The following PIEZO1 variants were observed in gnomAD, a reference collection of about 807,000 sequenced individuals.
PIEZO1 encodes piezo-type mechanosensitive ion channel component 1.
Under a neutral mutation model 297.2 loss-of-function variants are expected in PIEZO1, and 296 were observed. The ratio of observed to expected loss-of-function variants is 1.00; its 90% confidence interval spans 0.91 to 1.10. The LOEUF (loss-of-function observed/expected upper bound fraction) is 1.10, where lower values mean the gene tolerates loss of function less well. Ranked by LOEUF, PIEZO1 falls within the 50% of genes least tolerant of loss-of-function variation. The pLI, the probability that PIEZO1 is intolerant of heterozygous loss-of-function variation, is 0.00. For synonymous variants in PIEZO1, 2,427 were observed against 1,507.5 expected (o/e 1.61, Z -14.13); for missense variants, 5,018 against 3,455.5 (o/e 1.45, Z -11.34).
chr16:88,723,961 G>A lies in PIEZO1; in HGVS notation c.4245C>T (p.Ser1415=), dbSNP rs140278892. The part of the protein sequence containing the change: ...PWLDHATVIH[S]GDYFLFESDS... ...CGGACTCAAACAGGAAGTAGTCCCC[G>A]GAGTGGATGACTGTGGGCAGGCAGC... is the stretch of plus-strand genomic sequence containing the variant. Residue 1415 remains serine, a synonymous_variant, in exon 31 of 51, where the codon TCC becomes TCT. Coordinates refer to ENST00000301015, the MANE Select transcript of PIEZO1 (RefSeq NM_001142864.4). The A allele has an allele frequency of 1.3e-4, 198 of 1,544,500 alleles. No individual in the cohort carries two copies. The highest frequency in any genetic ancestry group is 8.4e-4 in the Middle Eastern group (5 of 5,980).
Position 88,723,000 on chromosome 16 carries a change from T to A in PIEZO1, c.4505A>T (p.His1502Leu). 7.9e-7 allele frequency: 1 copy of A among 1,265,290 alleles called. No homozygotes were observed. The highest frequency in any genetic ancestry group is 1.3e-5 in the South Asian group (1 of 79,242). 78.4% of individuals were successfully genotyped at this position (1,265,290 alleles called of 1,614,324 possible). Residue 1502 changes from histidine (H) to leucine (L), a missense_variant, in exon 34 of 51, where the codon CAT (histidine) becomes CTT (leucine). His to Leu is a moderately conservative substitution (Grantham distance 99). Transcript: ENST00000301015. ...CGTGCTCAGCACCCTCTGCACCACA[T>A]GGCTCCGGCCTGCGGGAGGGCGGGA... ...GPEEAAAGRS[H>L]VVQRVLSTAQ...
Position 88,732,555 on chromosome 16 carries a change from G to A in PIEZO1, c.2791-20C>T. 3 of 1,543,484 alleles carry A rather than the reference G, an allele frequency of 1.9e-6. No homozygotes were observed. Among genetic ancestry groups the A allele is most frequent in the Non-Finnish European group, 2.6e-6 (3 of 1,141,506 alleles). ...GTGGTTCTGCGGAGGGCAAGGGTCA[G>A]GGGGCAGCCGGGTACTCGCCCGCCC... is the stretch of plus-strand genomic sequence containing the variant. On this transcript the variant is annotated intron_variant, in intron 20 of 50. Coordinates refer to ENST00000301015, the MANE Select transcript of PIEZO1 (RefSeq NM_001142864.4).
chr16:88,764,265 G>T (rs1907066035), intron 1 of PIEZO1, among the ~76,000 whole-genome samples: 1 of 152,178 alleles, frequency 6.6e-6, no homozygotes. Context: ...CCAGCAGCAA[G>T]CACGTGGCAA....
At chr16:88,765,154 G>A (rs1269694350) in intron 1 of PIEZO1, among the ~76,000 whole-genome samples, 3 of 152,248 alleles carry the variant, frequency 2.0e-5, no homozygotes, top group Non-Finnish European at 4.4e-5. Flanking sequence ...GACTGCCCCA[G>A]GGCCCAGTCA....
Position 88,721,575 on chromosome 16 carries a change from T to C in PIEZO1, c.5366A>G (p.Gln1789Arg). ...GCGGTGGAAGAAAAGGGCCATGAGC[T>C]GCACCAGGTCGTACTTGATGTAGCC... ...TDGYIKYDLV[Q>R]LMALFFHRSQ... Residue 1789 changes from glutamine (Q) to arginine (R), a missense_variant, in exon 38 of 51, where the codon CAG becomes CGG. By Grantham distance (43) the Gln-to-Arg change is conservative. Coordinates refer to ENST00000301015, the MANE Select transcript of PIEZO1 (RefSeq NM_001142864.4). The C allele has an allele frequency of 1.3e-6, 2 of 1,550,162 alleles. No individual in the cohort carries two copies. Among genetic ancestry groups the C allele is most frequent in the Non-Finnish European group, 1.7e-6 (2 of 1,146,864 alleles).
chr16:88,755,619 G>C (rs537266473), intron 1 of PIEZO1, among the ~76,000 whole-genome samples: 1 of 152,238 alleles, frequency 6.6e-6, no homozygotes, highest in Non-Finnish European at 1.5e-5. Flanking sequence ...CACTTGCTCT[G>C]TCTGCCTCCT....
Position 88,723,334 on chromosome 16 carries a change from G to C in PIEZO1, c.4336-6C>G. 6.5e-6 allele frequency: 10 copies of C among 1,537,228 alleles called. No individual in the cohort carries two copies. The highest frequency in any genetic ancestry group is 7.8e-6 in the Non-Finnish European group (9 of 1,146,590). On this transcript the variant is annotated splice_polypyrimidine_tract_variant and splice_region_variant and intron_variant, in intron 31 of 50. Coordinates refer to ENST00000301015, the MANE Select transcript of PIEZO1 (RefSeq NM_001142864.4). ...ACCCATGCCTGGTACGCCAGCTGTCGGCCAGCCCCCGGGTTAGGACCCGGC... is the reference window on the plus strand; with the variant it reads ...ACCCATGCCTGGTACGCCAGCTGTCCGCCAGCCCCCGGGTTAGGACCCGGC...
chr16:88,747,150 G>C lies in PIEZO1; in HGVS notation c.160+2234C>G, dbSNP rs1906103374. Among the ~76,000 whole-genome samples the C allele has an allele frequency of 2.0e-5, 3 of 152,028 alleles. No homozygotes were observed. In the South Asian group the frequency reaches 6.2e-4, roughly 32 times the overall value. ...GTAGGCTAAGGCAGGAGGATCGCTT[G>C]AGCCCAGGAGGTGGAGGCTGCAGTG... On this transcript the variant is annotated intron_variant, in intron 2 of 50. Transcript: ENST00000301015.
rs545384132 is a variant in PIEZO1, at chr16:88,733,950, C to T, written c.2285G>A (p.Gly762Glu). 209 of 1,546,798 alleles carry T rather than the reference C, an allele frequency of 1.4e-4. 3 individuals are homozygous for T. The South Asian group carries it at 2.4e-3, about 18-fold the overall frequency. Residue 762 changes from glycine to glutamate, a missense_variant, in exon 17 of 51, where the codon GGG becomes GAG. By Grantham distance (98) the Gly-to-Glu change is moderately conservative. Transcript: ENST00000301015. ...EEEEEDSRDE[G>E]LGVATPHQAT... ...CTGGTGGGGAGTGGCCACGCCCAGC[C>T]CCTCGTCCCTGGAGTCCTCCTCCTC...
intron 5 of PIEZO1, chr16:88,740,169 G>C (rs1056097807): frequency 3.3e-5 from 5 of 152,246 alleles, no homozygotes; most frequent in African/African-American, 1.2e-4. Flanking sequence ...CTGCAAACAC[G>C]TGTGTGTGTT....
At chr16:88,735,114 C>A (rs777852783) in intron 13 of PIEZO1, 21 bp downstream of exon 13, 8 of 1,549,014 alleles carry the variant, frequency 5.2e-6, no homozygotes, top group Non-Finnish European at 7.0e-6. Context: ...GGGCAACCCC[C>A]GCCTCTGGCC....
At chr16:88,764,883 C>G (rs1041384318) in intron 1 of PIEZO1, among the ~76,000 whole-genome samples, 1 of 152,190 alleles carries the variant, frequency 6.6e-6, no homozygotes. Context: ...GGCGACCACT[C>G]CAACCATGGC....
At chr16:88,749,746 G>A (rs1906287975) in intron 1 of PIEZO1, among the ~76,000 whole-genome samples, 1 of 152,148 alleles carries the variant, frequency 6.6e-6, no homozygotes, top group Admixed American at 6.5e-5. Context: ...GCTATTCTTG[G>A]GCTGGGTGCA....
Position 88,734,366 on chromosome 16 carries a change from AGC to A in PIEZO1, c.2168_2169del (p.Arg723LeufsTer53). The A allele has an allele frequency of 6.5e-7, 1 of 1,535,692 alleles. No homozygotes were observed. The highest frequency in any genetic ancestry group is 8.8e-7 in the Non-Finnish European group (1 of 1,139,112). On this transcript the variant is annotated frameshift_variant, in exon 16 of 51. Coordinates refer to ENST00000301015, the MANE Select transcript of PIEZO1 (RefSeq NM_001142864.4). LOFTEE classifies it high-confidence loss of function. ...HVSLPGTRLP[R>X]WAHRQDAVSG... ...AGGGCGGGGCCGCACCTGTGAGCCC[AGC>A]GCGGGAGGCGCGTGCCAGGCAGGGA...
chr16:88,761,872 G>A (rs1488107986), intron 1 of PIEZO1, among the ~76,000 whole-genome samples: 2 of 152,168 alleles, frequency 1.3e-5, no homozygotes, highest in African/African-American at 4.8e-5. Context: ...AGGGATCTGG[G>A]ACTCATCCCT....
intron 1 of PIEZO1, among the ~76,000 whole-genome samples, chr16:88,781,166 G>A (rs994936385): frequency 6.6e-6 from 1 of 152,224 alleles, no homozygotes; most frequent in Non-Finnish European, 1.5e-5. Flanking sequence ...CAAGGCCCAC[G>A]GTGGTTCCCC....
chr16:88,736,551 C>T (rs889431857), intron 11 of PIEZO1, 88 bp downstream of exon 11: 2 of 882,078 alleles, frequency 2.3e-6, no homozygotes, highest in Admixed American at 2.9e-5. Flanking sequence ...GAGGGGGCTG[C>T]ACAGCTGCCC....
Position 88,716,122 on chromosome 16 carries a change from G to A in PIEZO1, c.7130-3C>T. ...GCCGAGGTAGTCGGCCTCCTCATCT[G>A]GGATGGAGGGAGAAGATCGTTGAGG... On this transcript the variant is annotated splice_polypyrimidine_tract_variant and splice_region_variant and intron_variant, in intron 49 of 50. Transcript: ENST00000301015. 1.9e-6 allele frequency: 3 copies of A among 1,540,766 alleles called. No individual in the cohort carries two copies. The highest frequency in any genetic ancestry group is 1.4e-5 in the African/African-American group (1 of 73,020).
At chr16:88,767,468 T>G (rs954104363) in intron 1 of PIEZO1, among the ~76,000 whole-genome samples, 2 of 151,958 alleles carry the variant, frequency 1.3e-5, no homozygotes, top group Non-Finnish European at 1.5e-5. Flanking sequence ...GAAGCTTCAG[T>G]CAGCTTTGGA....
Sources: allele counts gnomAD v4.1 joint callset (sites outside exome capture counted in the v4.1 genomes callset), GRCh38; gene constraint gnomAD v4.1.1; transcripts MANE v1.5; gene names NCBI Gene and HGNC (gene_info 2026-07-23, HGNC 2026-07-21).